The following TYW1 variants were observed in gnomAD, a reference collection of about 807,000 sequenced individuals.
TYW1 encodes the protein S-adenosyl-L-methionine-dependent tRNA 4-demethylwyosine synthase TYW1.
In TYW1, 46 loss-of-function variants were observed where a neutral mutation model predicts 96.2. The observed-to-expected ratio is 0.48, with a 90% confidence interval of 0.38 to 0.61. The LOEUF is 0.61. Ranked by LOEUF, TYW1 falls within the 20% of genes least tolerant of loss-of-function variation. The probability of loss-of-function intolerance (pLI) is 0.00; values close to 1 mark genes in which losing one functional copy is unlikely to be tolerated. For synonymous variants in TYW1, 274 were observed against 323.0 expected (o/e 0.85, Z 1.63); for missense variants, 684 against 909.6 (o/e 0.75, Z 3.19).
At chr7:67,203,237 TAATA>T (rs1466912553) in intron 15 of TYW1, among the ~76,000 whole-genome samples, 1 of 152,248 alleles carries the variant, frequency 6.6e-6, no homozygotes, top group African/African-American at 2.4e-5. Flanking sequence ...TATCTGACGA[TAATA>T]GAGCCACTTC....
chr7:67,015,822 G>T (rs374838112), intron 5 of TYW1, among the ~76,000 whole-genome samples: 4 of 152,010 alleles, frequency 2.6e-5, no homozygotes, highest in Non-Finnish European at 4.4e-5. Flanking sequence ...AATTAGCCAG[G>T]TGTGGTGGCG....
intron 11 of TYW1, among the ~76,000 whole-genome samples, chr7:67,096,672 C>T (rs557865968): frequency 1.3e-5 from 2 of 151,818 alleles, no homozygotes; most frequent in South Asian, 4.2e-4. Flanking sequence ...CAGATTATTT[C>T]ATCACCCAGG....
At chr7:67,215,497 A>T (rs1282139798) in intron 15 of TYW1, among the ~76,000 whole-genome samples, 1 of 151,942 alleles carries the variant, frequency 6.6e-6, no homozygotes, top group African/African-American at 2.4e-5. Context: ...CTTCTGCATA[A>T]ACCTGCTTTT....
chr7:67,230,055 C>A (rs6980008), intron 15 of TYW1, among the ~76,000 whole-genome samples: 38,030 of 151,208 alleles, frequency 0.25, 4,995 homozygotes, highest in African/African-American at 0.31. Context: ...AGCTACCAGT[C>A]ACATGGGATC....
At chr7:66,998,691 G>C (rs1317842478) in intron 2 of TYW1, 126 bp from the exon 3 acceptor site, 85 of 1,154,772 alleles carry the variant, frequency 7.4e-5, no homozygotes, top group Admixed American at 1.0e-4. Context: ...AAGATTAAGA[G>C]AAAAATACAG....
intron 13 of TYW1, among the ~76,000 whole-genome samples, chr7:67,149,722 A>ATTATCTATC (rs1554376826): frequency 2.6e-4 from 37 of 140,236 alleles, no homozygotes; most frequent in Middle Eastern, 3.7e-3. Context: ...AGGAAAAAAA[A>ATTATCTATC]TATCTATCTA....
chr7:67,100,975 T>C (rs1439136336), intron 12 of TYW1, among the ~76,000 whole-genome samples: 1 of 152,106 alleles, frequency 6.6e-6, no homozygotes, highest in Non-Finnish European at 1.5e-5. Flanking sequence ...AGCCACACTC[T>C]GTTACAGACT....
At chr7:67,009,337 C>T (rs1020146042) in intron 3 of TYW1, among the ~76,000 whole-genome samples, 2 of 152,144 alleles carry the variant, frequency 1.3e-5, no homozygotes, top group African/African-American at 2.4e-5. Flanking sequence ...ATTGATCATC[C>T]AAAGCCAAAT....
intron 13 of TYW1, among the ~76,000 whole-genome samples, chr7:67,122,215 A>G (rs1008536210): frequency 2.6e-5 from 4 of 152,144 alleles, no homozygotes; most frequent in African/African-American, 9.7e-5. Context: ...AATGACCAAC[A>G]TAATTTCTTG....
chr7:67,106,640 G>A (rs1797253984), intron 12 of TYW1, among the ~76,000 whole-genome samples: 1 of 152,174 alleles, frequency 6.6e-6, no homozygotes, highest in South Asian at 2.1e-4. Context: ...TCATGAGTGT[G>A]CCAGAGTTCA....
In TYW1 at chr7:67,164,294, A is replaced by G. The variant is rs561970235; in HGVS notation, c.1699-18832A>G. ...ATAAGTTTGTTTTCAGCTTTTAAAA[A>G]ATTCATCATTGTAACATAAAAATTA... On this transcript the variant is annotated intron_variant, in intron 13 of 15. Transcript: ENST00000359626. 1.3e-3 allele frequency among the ~76,000 whole-genome samples: 197 copies of G among 152,246 alleles called. 1 individual carries two copies. Among genetic ancestry groups the G allele is most frequent in the Non-Finnish European group, 2.2e-3 (149 of 68,008 alleles).
chr7:67,198,342 G>A (rs1800470657), intron 15 of TYW1, among the ~76,000 whole-genome samples: 1 of 152,086 alleles, frequency 6.6e-6, no homozygotes, highest in Non-Finnish European at 1.5e-5. Context: ...CTTGAGGTCA[G>A]GAGTTCGAGA....
intron 15 of TYW1, among the ~76,000 whole-genome samples, chr7:67,202,720 G>A (rs1405588158): frequency 6.6e-6 from 1 of 151,966 alleles, no homozygotes; most frequent in African/African-American, 2.4e-5. Context: ...TAATAATCCC[G>A]GGACTTCTGA....
At chr7:67,053,081 C>CACTCTTATAAACAG (rs1795409540) in intron 8 of TYW1, among the ~76,000 whole-genome samples, 2 of 129,776 alleles carry the variant, frequency 1.5e-5, no homozygotes, top group Non-Finnish European at 3.2e-5. Context: ...CAGTTTTAAG[C>CACTCTTATAAACAG]TTTTTTTTTT....
intron 7 of TYW1, among the ~76,000 whole-genome samples, chr7:67,040,729 C>T (rs1255754655): frequency 6.6e-6 from 1 of 151,818 alleles, no homozygotes; most frequent in Middle Eastern, 3.2e-3. Context: ...CCTATAATCC[C>T]AGCTACTGGG....
At chr7:67,228,877 C>T (rs182072268) in intron 15 of TYW1, among the ~76,000 whole-genome samples, 36 of 152,260 alleles carry the variant, frequency 2.4e-4, no homozygotes, top group Admixed American at 7.9e-4. Flanking sequence ...CTGGATTTCC[C>T]GTATAGATGA....
intron 13 of TYW1, among the ~76,000 whole-genome samples, chr7:67,135,803 C>G (rs907486324): frequency 6.6e-6 from 1 of 152,168 alleles, no homozygotes; most frequent in African/African-American, 2.4e-5. Flanking sequence ...CTGTACCACT[C>G]AGGGTTTGCT....
chr7:67,101,112 G>A (rs1415078497), intron 12 of TYW1, among the ~76,000 whole-genome samples: 1 of 152,128 alleles, frequency 6.6e-6, no homozygotes, highest in Non-Finnish European at 1.5e-5. Flanking sequence ...TTCTGCAGCC[G>A]CAGGCATACC....
At chr7:67,209,620 T>G (rs1365684196) in intron 15 of TYW1, among the ~76,000 whole-genome samples, 1 of 152,150 alleles carries the variant, frequency 6.6e-6, no homozygotes, top group Non-Finnish European at 1.5e-5. Flanking sequence ...TCACCCAGAT[T>G]GGAGTGCAGT....
Sources: allele counts gnomAD v4.1 joint callset (sites outside exome capture counted in the v4.1 genomes callset), GRCh38; gene constraint gnomAD v4.1.1; transcripts MANE v1.5; gene names NCBI Gene and HGNC (gene_info 2026-07-23, HGNC 2026-07-21).